Variants in ATP10A observed in about 807,000 individuals in gnomAD.
ATP10A encodes the protein ATPase phospholipid transporting 10A (putative), also known as phospholipid-transporting ATPase VA.
In ATP10A, 111 loss-of-function variants were observed where a neutral mutation model predicts 147.8. The ratio of observed to expected loss-of-function variants is 0.75; its 90% confidence interval spans 0.64 to 0.88. The LOEUF is 0.88. Among genes scored for constraint, ATP10A ranks in the 40% least tolerant of loss-of-function variants. ATP10A has a pLI of 0.00. For synonymous variants in ATP10A, 875 were observed against 841.6 expected, an observed-to-expected ratio of 1.04 and a Z score of -0.69; for missense variants, 1,927 against 1,959.0, an observed-to-expected ratio of 0.98 and a Z score of 0.31.
Position 25,781,021 on chromosome 15 carries a change from G to T in ATP10A, c.652C>A (p.Leu218Ile). The change falls in exon 2 of 21, where the codon CTT becomes ATT. Residue 218 changes from leucine to isoleucine, a missense_variant and splice_region_variant. Leu to Ile is a conservative substitution (Grantham distance 5). Coordinates refer to ENST00000555815, the MANE Select transcript of ATP10A (RefSeq NM_024490.4). ...RRQVVRGFSE[L>I]VSEFNPLTFT... ...CCCTGGAAACGTGGGTCACTTACAA[G>T]CTCCGAGAAGCCGCGGACCACCTGC... 1 of 1,613,680 alleles carries T rather than the reference G, an allele frequency of 6.2e-7. No homozygotes were observed. Among genetic ancestry groups the T allele is most frequent in the Non-Finnish European group, 8.5e-7 (1 of 1,179,996 alleles).
intron 2 of ATP10A, among the ~76,000 whole-genome samples, chr15:25,779,230 A>T (rs928043653): frequency 2.0e-5 from 3 of 152,112 alleles, no homozygotes; most frequent in Admixed American, 2.0e-4. Context: ...GCGTTCCCCT[A>T]CCTGCCATGC....
At chr15:25,777,976 T>C (rs919771815) in intron 2 of ATP10A, among the ~76,000 whole-genome samples, 24 of 152,072 alleles carry the variant, frequency 1.6e-4, no homozygotes, top group African/African-American at 5.6e-4. Context: ...ACAGCTTTAT[T>C]GAGATATAAT....
At chr15:25,754,216 C>T (rs1888301876) in intron 2 of ATP10A, among the ~76,000 whole-genome samples, 1 of 152,148 alleles carries the variant, frequency 6.6e-6, no homozygotes, top group African/African-American at 2.4e-5. Context: ...TTGCTGCAAC[C>T]TCTGCCTCCT....
chr15:25,857,420 C>T (rs1209743692), intron 1 of ATP10A, among the ~76,000 whole-genome samples: 1 of 152,146 alleles, frequency 6.6e-6, no homozygotes, highest in Non-Finnish European at 1.5e-5. Context: ...GTACTCCAGC[C>T]TAGGCAACAG....
At chr15:25,726,146 A>C (rs1204173505) in intron 4 of ATP10A, 64 bp from the exon 5 acceptor site, 7 of 1,568,480 alleles carry the variant, frequency 4.5e-6, no homozygotes, top group Non-Finnish European at 6.1e-6. Context: ...AGCTGCATGG[A>C]TGGCGTGGAG....
intron 2 of ATP10A, among the ~76,000 whole-genome samples, chr15:25,777,945 T>C (rs749511104): frequency 4.6e-5 from 7 of 151,994 alleles, no homozygotes; most frequent in Non-Finnish European, 8.8e-5. Context: ...TATTTCTTTT[T>C]TATTTATTTT....
At chr15:25,704,920 T>C (rs1900885952) in intron 12 of ATP10A, among the ~76,000 whole-genome samples, 1 of 152,232 alleles carries the variant, frequency 6.6e-6, no homozygotes. Context: ...AGCGTCACTG[T>C]GCTTGGTGCC....
intron 7 of ATP10A, among the ~76,000 whole-genome samples, chr15:25,719,235 GAGA>G (rs1308929490): frequency 6.6e-6 from 1 of 152,178 alleles, no homozygotes; most frequent in East Asian, 1.9e-4. Context: ...CAAGAGGCCG[GAGA>G]AGGAGATACT....
In ATP10A at chr15:25,680,896, C is replaced by T. The variant is rs2076746; in HGVS notation, c.3592G>A (p.Val1198Met). The T allele has an allele frequency of 8.9e-4, 1,438 of 1,614,118 alleles. 15 individuals are homozygous for T. In the African/African-American group the frequency reaches 0.017, roughly 19 times the overall value. Residue 1198 changes from valine to methionine, a missense_variant, in exon 19 of 21, where the codon GTG becomes ATG. Transcript: ENST00000555815. ...IPYLAYYDSNVDLFTWGTPIV... is the reference protein window; with the variant it reads ...IPYLAYYDSNMDLFTWGTPIV... ...GGGGTCCCCCAGGTAAACAGGTCCA[C>T]GTTCGAGTCATAGTAGGCCTGAAAG...
intron 1 of ATP10A, among the ~76,000 whole-genome samples, chr15:25,845,998 A>G (rs958959947): frequency 1.3e-5 from 2 of 152,214 alleles, no homozygotes; most frequent in Admixed American, 6.5e-5. Flanking sequence ...GCTCTGGCAC[A>G]TGCTCCAACA....
intron 2 of ATP10A, among the ~76,000 whole-genome samples, chr15:25,775,717 T>C (rs910369863): frequency 8.5e-5 from 13 of 152,190 alleles, no homozygotes; most frequent in African/African-American, 3.1e-4. Flanking sequence ...TGGGCACTCA[T>C]CCAAACAGGT....
At chr15:25,716,574 C>T (rs1028487074) in intron 9 of ATP10A, among the ~76,000 whole-genome samples, 156 bp downstream of exon 9, 2 of 152,136 alleles carry the variant, frequency 1.3e-5, no homozygotes, top group African/African-American at 2.4e-5. Flanking sequence ...ACTGTTTTGC[C>T]CAGTATGAAG....
intron 1 of ATP10A, among the ~76,000 whole-genome samples, chr15:25,811,295 G>A (rs189715999): frequency 2.4e-4 from 36 of 152,270 alleles, no homozygotes; most frequent in Admixed American, 2.2e-3. Flanking sequence ...TGAGTGAGAG[G>A]AAAGAGGAGG....
chr15:25,826,690 G>A (rs1430936201), intron 1 of ATP10A, among the ~76,000 whole-genome samples: 1 of 152,188 alleles, frequency 6.6e-6, no homozygotes, highest in Admixed American at 6.5e-5. Flanking sequence ...AGCTACATGG[G>A]AGGCTGAAGC....
chr15:25,788,329 C>T (rs1473063783), intron 1 of ATP10A, among the ~76,000 whole-genome samples: 1 of 152,218 alleles, frequency 6.6e-6, no homozygotes, highest in East Asian at 1.9e-4. Context: ...TAAGACAGGG[C>T]GCCAGCCCAG....
chr15:25,675,995 AG>A (rs1479562283), downstream of ATP10A, among the ~76,000 whole-genome samples: 15 of 152,102 alleles, frequency 9.9e-5, no homozygotes, highest in Non-Finnish European at 2.2e-4. Flanking sequence ...AGGAGGGGAA[AG>A]GAAGGGACCA....
intron 1 of ATP10A, among the ~76,000 whole-genome samples, chr15:25,827,854 C>T (rs75113450): frequency 0.021 from 3,242 of 152,070 alleles, 133 homozygotes; most frequent in East Asian, 0.16. Context: ...GCAGAACTGA[C>T]AGAATAGATT....
intron 1 of ATP10A, among the ~76,000 whole-genome samples, chr15:25,806,462 G>A (rs1354347012): frequency 2.0e-5 from 3 of 152,086 alleles, no homozygotes; most frequent in Non-Finnish European, 2.9e-5. Flanking sequence ...ATAGGCGCCT[G>A]CCACCACGCC....
In ATP10A at chr15:25,768,683, ATTTTTTT is replaced by A. The variant is rs143608940; in HGVS notation, c.654+12329_654+12335del. 2.3e-3 allele frequency among the ~76,000 whole-genome samples: 207 copies of A among 89,632 alleles called. 3 individuals carry two copies. In the East Asian group the frequency reaches 0.04, roughly 17 times the overall value. 58.8% of individuals were successfully genotyped at this position (89,632 alleles called of 152,430 possible). On this transcript the variant is annotated intron_variant, in intron 2 of 20. Coordinates refer to ENST00000555815, the MANE Select transcript of ATP10A (RefSeq NM_024490.4). ...CTCACCTGCCCAAGTAGCTGGGCTA[ATTTTTTT>A]TTTTTTTTTTTTTTTTTTGGTAGCA...
Sources: allele counts gnomAD v4.1 joint callset (sites outside exome capture counted in the v4.1 genomes callset), GRCh38; gene constraint gnomAD v4.1.1; transcripts MANE v1.5; gene names NCBI Gene and HGNC (gene_info 2026-07-23, HGNC 2026-07-21).